CFAP45: variants seen among roughly 807,000 people sequenced by gnomAD.
The protein encoded by CFAP45 is cilia and flagella associated protein 45.
A neutral mutation model predicts 75.6 loss-of-function variants in CFAP45; 43 were observed. That is an observed-to-expected ratio of 0.57 (90% CI 0.45 to 0.73). CFAP45 has a LOEUF of 0.73. Ranked by LOEUF, CFAP45 falls within the 30% of genes least tolerant of loss-of-function variation. CFAP45 has a pLI of 0.00. For synonymous variants in CFAP45, 223 were observed against 244.6 expected, an observed-to-expected ratio of 0.91 and a Z score of 0.82; for missense variants, 689 against 701.5, an observed-to-expected ratio of 0.98 and a Z score of 0.20.
intron 11 of CFAP45, 95 bp downstream of exon 11, chr1:159,872,849 G>T: frequency 8.1e-7 from 1 of 1,228,300 alleles, no homozygotes; most frequent in Non-Finnish European, 1.2e-6. Flanking sequence ...CTCTGCCATG[G>T]CCCTTCACCC....
At chr1:159,894,735 AT>A (rs1649913527) in intron 1 of CFAP45, among the ~76,000 whole-genome samples, 1 of 152,212 alleles carries the variant, frequency 6.6e-6, no homozygotes, top group Non-Finnish European at 1.5e-5. Context: ...AACATCAAAT[AT>A]TCACCTCAGC....
chr1:159,880,451 G>T, intron 8 of CFAP45, 103 bp downstream of exon 8: 1 of 1,001,572 alleles, frequency 1.0e-6, no homozygotes. Flanking sequence ...TTAGAATGAA[G>T]GTGCGGCTGC....
chr1:159,884,429 C>T lies in CFAP45; in HGVS notation c.897+7G>A, dbSNP rs1649626562. 6.2e-7 allele frequency: 1 copy of T among 1,602,908 alleles called. No individual in the cohort carries two copies. Among genetic ancestry groups the T allele is most frequent in the Non-Finnish European group, 8.5e-7 (1 of 1,174,164 alleles). The stretch of plus-strand genomic sequence containing the variant: ...TGAAACGTGGCATTGTCTGTCTGGC[C>T]TGTTACCTTTAGATCTTCCTCTTGG... On this transcript the variant is annotated splice_region_variant and intron_variant, in intron 7 of 11. Coordinates refer to ENST00000368099, the MANE Select transcript of CFAP45 (RefSeq NM_012337.3).
intron 1 of CFAP45, among the ~76,000 whole-genome samples, chr1:159,896,186 T>C (rs1481132092): frequency 6.6e-6 from 1 of 152,256 alleles, no homozygotes; most frequent in Non-Finnish European, 1.5e-5. Flanking sequence ...TGTGCTGAAG[T>C]GTCCGCCAGA....
chr1:159,890,959 A>G (rs1204501822), intron 2 of CFAP45, among the ~76,000 whole-genome samples: 1 of 151,866 alleles, frequency 6.6e-6, no homozygotes, highest in African/African-American at 2.4e-5. Flanking sequence ...GGGTTTCTCC[A>G]TGTTGGCCAG....
intron 5 of CFAP45, 106 bp downstream of exon 5, chr1:159,887,735 C>T (rs1055278089): frequency 7.5e-6 from 9 of 1,207,462 alleles, no homozygotes; most frequent in African/African-American, 6.1e-5. Context: ...CGCCCCACCC[C>T]TGCCCACACC....
intron 1 of CFAP45, chr1:159,898,229 G>A (rs955350921): frequency 2.0e-6 from 2 of 985,194 alleles, no homozygotes; most frequent in Non-Finnish European, 2.4e-6. Context: ...AGTGATCCAC[G>A]CAATTATCCT....
rs566256559 is a variant in CFAP45 at position 159,898,612 on chromosome 1, A to G, written c.3+1484T>C. Among the ~76,000 whole-genome samples, 7 of 152,304 alleles carry G rather than the reference A, an allele frequency of 4.6e-5. No homozygotes were observed. The South Asian group carries it at 1.2e-3, about 27-fold the overall frequency. The stretch of plus-strand genomic sequence containing the variant: ...GTGGCTCCTGGATGGGGAATCCCTG[A>G]TCTGGGTGCTCTGAAGCCCACAGGT... On this transcript the variant is annotated intron_variant, in intron 1 of 11. Transcript: ENST00000368099.
At position 159,878,753 on chromosome 1, in the gene CFAP45, TAAAAAAAAAA is replaced by T. The variant is rs539116292; in HGVS notation, c.1045-1301_1045-1292del. On this transcript the variant is annotated intron_variant, in intron 8 of 11. Transcript: ENST00000368099. Reference sequence around the variant, plus strand: ...CCTAGTGACAGAGCAAGACTACATCTAAAAAAAAAAAAAAAAAAAAAAAAAAAAACCTTCC... The same window carrying T: ...CCTAGTGACAGAGCAAGACTACATCTAAAAAAAAAAAAAAAAAAACCTTCC... Among the ~76,000 whole-genome samples, 63 of 32,486 alleles carry T rather than the reference TAAAAAAAAAA, an allele frequency of 1.9e-3. 1 individual carries two copies. The highest frequency in any genetic ancestry group is 0.012 in the Admixed American group (24 of 2,032). 21.3% of individuals were successfully genotyped at this position (32,486 alleles called of 152,430 possible). A position where few individuals can be genotyped will look rare whatever the true frequency, so the allele number is the denominator to read the frequency against.
intron 10 of CFAP45, chr1:159,876,267 C>T: frequency 2.2e-6 from 1 of 461,042 alleles, no homozygotes; most frequent in Non-Finnish European, 4.0e-6. Context: ...GCAGAATGGA[C>T]CAGAATTTTA....
rs141897522 is a variant in CFAP45 at position 159,898,196 on chromosome 1, G to A, written c.3+1900C>T. 36 of 985,124 alleles carry A rather than the reference G, an allele frequency of 3.7e-5. No individual in the cohort carries two copies. In the African/African-American group the frequency reaches 4.7e-4, roughly 13 times the overall value. The allele number at this position is 985,124 out of a possible 1,614,324, so 61.0% of individuals were successfully genotyped here. On this transcript the variant is annotated intron_variant, in intron 1 of 11. Transcript: ENST00000368099. ...CCAAGAAAGGGAGATTCCCATGCAC[G>A]AGACCCCTTGCCTTTTACTCTGAGT...
intron 7 of CFAP45, among the ~76,000 whole-genome samples, chr1:159,883,282 G>A (rs1649592712): frequency 7.5e-6 from 1 of 133,644 alleles, no homozygotes; most frequent in East Asian, 2.2e-4. Flanking sequence ...AAAAATGAAT[G>A]AAGAACTGAA....
intron 1 of CFAP45, among the ~76,000 whole-genome samples, chr1:159,895,867 G>C (rs2494488): frequency 0.033 from 5,099 of 152,252 alleles, 282 homozygotes; most frequent in African/African-American, 0.12. Flanking sequence ...TGTAATTAAG[G>C]GAAAAGGTGC....
intron 10 of CFAP45, among the ~76,000 whole-genome samples, chr1:159,873,831 T>TTCA (rs1649337323): frequency 6.7e-5 from 5 of 74,358 alleles, no homozygotes; most frequent in Non-Finnish European, 1.2e-4. Flanking sequence ...TTTCTTCTCC[T>TTCA]TCCTTCCTTC....
chr1:159,898,627 AGCCCACAGGTCTT>A (rs988569786), intron 1 of CFAP45, among the ~76,000 whole-genome samples: 1 of 152,190 alleles, frequency 6.6e-6, no homozygotes, highest in African/African-American at 2.4e-5. Context: ...GGTGCTCTGA[AGCCCACAGGTCTT>A]GCCCAGGTGC....
intron 1 of CFAP45, among the ~76,000 whole-genome samples, chr1:159,898,719 A>C (rs1650004986): frequency 6.6e-6 from 1 of 152,192 alleles, no homozygotes; most frequent in Non-Finnish European, 1.5e-5. Context: ...ACTAACATTT[A>C]CCATATGCCC....
chr1:159,881,810 G>A (rs1165240914), intron 7 of CFAP45, among the ~76,000 whole-genome samples: 2 of 152,168 alleles, frequency 1.3e-5, no homozygotes, highest in Non-Finnish European at 2.9e-5. Flanking sequence ...GTGCAGAGGG[G>A]CATCGGAATT....
intron 2 of CFAP45, among the ~76,000 whole-genome samples, chr1:159,892,659 C>G (rs144525704): frequency 1.4e-4 from 21 of 152,372 alleles, no homozygotes; most frequent in African/African-American, 5.1e-4. Flanking sequence ...ATCTAGCTCT[C>G]TTTATCTAGA....
rs774341505 is a variant in CFAP45, at chr1:159,880,632, G to A, written c.966C>T (p.Asn322=). Residue 322 remains asparagine, a synonymous_variant, in exon 8 of 12, where the codon AAC becomes AAT. Coordinates refer to ENST00000368099, the MANE Select transcript of CFAP45 (RefSeq NM_012337.3). ...CCAGCAGTTCTGCTTTCTGTTTCTG[G>A]TTTTCATCATTGATGCGCTTAATCT... The part of the protein sequence containing the change: ...QAEIKRINDE[N]QKQKAELLAQ... 6.2e-6 allele frequency: 10 copies of A among 1,613,752 alleles called. No individual in the cohort carries two copies. The highest frequency in any genetic ancestry group is 3.3e-5 in the Admixed American group (2 of 59,972).
Sources: allele counts gnomAD v4.1 joint callset (sites outside exome capture counted in the v4.1 genomes callset), GRCh38; gene constraint gnomAD v4.1.1; transcripts MANE v1.5; gene names NCBI Gene and HGNC (gene_info 2026-07-23, HGNC 2026-07-21).